LDB2: variants seen among roughly 807,000 people sequenced by gnomAD.
LDB2 encodes the protein LIM domain-binding protein 2.
Under a neutral mutation model 44.3 loss-of-function variants are expected in LDB2, and 12 were observed. The ratio of observed to expected loss-of-function variants is 0.27; its 90% CI spans 0.17 to 0.44. The LOEUF is 0.44. Ranked by LOEUF, LDB2 falls within the 20% of genes least tolerant of loss-of-function variation. The probability of loss-of-function intolerance (pLI) is 1.00; values close to 1 mark genes in which losing one functional copy is unlikely to be tolerated. For synonymous variants in LDB2, 164 were observed against 174.8 expected (o/e 0.94, Z 0.49); for missense variants, 344 against 473.5 (o/e 0.73, Z 2.54).
intron 2 of LDB2, among the ~76,000 whole-genome samples, chr4:16,678,413 C>T (rs1348404042): frequency 1.3e-5 from 2 of 152,100 alleles, no homozygotes; most frequent in African/African-American, 2.4e-5. Context: ...AGTTGTTCAT[C>T]AAGTGTCTGA....
chr4:16,665,629 C>A (rs1403769864), intron 2 of LDB2, among the ~76,000 whole-genome samples: 1 of 152,094 alleles, frequency 6.6e-6, no homozygotes, highest in African/African-American at 2.4e-5. Context: ...CTGAATCCTA[C>A]CTGAGCATGA....
intron 1 of LDB2, among the ~76,000 whole-genome samples, chr4:16,871,624 T>C (rs1264897804): frequency 6.7e-6 from 1 of 148,590 alleles, no homozygotes; most frequent in African/African-American, 2.5e-5. Context: ...ACTCTTTCTT[T>C]TTTTTTTTTT....
chr4:16,677,342 A>T (rs917305969), intron 2 of LDB2, among the ~76,000 whole-genome samples: 1 of 152,240 alleles, frequency 6.6e-6, no homozygotes, highest in Non-Finnish European at 1.5e-5. Context: ...AAAATACGTT[A>T]ACAAATAAAA....
intron 1 of LDB2, among the ~76,000 whole-genome samples, chr4:16,892,223 G>T (rs913806104): frequency 1.3e-5 from 2 of 152,128 alleles, no homozygotes; most frequent in African/African-American, 2.4e-5. Flanking sequence ...AGTGTGGTTT[G>T]TATGTCTCCC....
chr4:16,624,747 G>T (rs1729832139), intron 2 of LDB2, among the ~76,000 whole-genome samples: 1 of 152,108 alleles, frequency 6.6e-6, no homozygotes, highest in Non-Finnish European at 1.5e-5. Context: ...CACCTATCCA[G>T]CATGGTCTCT....
intron 1 of LDB2, among the ~76,000 whole-genome samples, chr4:16,806,740 A>G (rs769977563): frequency 1.8e-4 from 28 of 152,308 alleles, no homozygotes; most frequent in Middle Eastern, 3.4e-3. Flanking sequence ...TTGAGTGGAA[A>G]TGTTGCATGC....
At chr4:16,743,980 G>A (rs1763861382) in intron 2 of LDB2, among the ~76,000 whole-genome samples, 1 of 152,114 alleles carries the variant, frequency 6.6e-6, no homozygotes, top group Non-Finnish European at 1.5e-5. Flanking sequence ...TAAAATCAAG[G>A]CAGTTAATGA....
At chr4:16,720,163 C>T (rs984279897) in intron 2 of LDB2, among the ~76,000 whole-genome samples, 1 of 151,788 alleles carries the variant, frequency 6.6e-6, no homozygotes. Context: ...TCAATCAAAC[C>T]CTAATCCAGG....
At chr4:16,671,187 G>A (rs964602835) in intron 2 of LDB2, among the ~76,000 whole-genome samples, 9 of 152,070 alleles carry the variant, frequency 5.9e-5, no homozygotes, top group Non-Finnish European at 1.3e-4. Context: ...TTGGAAGTGG[G>A]GGGATATTAA....
At chr4:16,589,352 A>G (rs1718100288) in intron 3 of LDB2, among the ~76,000 whole-genome samples, 1 of 152,202 alleles carries the variant, frequency 6.6e-6, no homozygotes, top group South Asian at 2.1e-4. Context: ...CAAGGCAGTT[A>G]TTATCAGTTA....
intron 1 of LDB2, among the ~76,000 whole-genome samples, chr4:16,873,193 C>T (rs993218503): frequency 6.6e-6 from 1 of 152,130 alleles, no homozygotes; most frequent in Non-Finnish European, 1.5e-5. Context: ...TGATAAGCTC[C>T]TCATATTTGG....
chr4:16,642,373 C>T (rs558012980), intron 2 of LDB2, among the ~76,000 whole-genome samples: 1 of 151,936 alleles, frequency 6.6e-6, no homozygotes, highest in South Asian at 2.1e-4. Context: ...GCACAAAAAC[C>T]CACTCCTAAT....
chr4:16,522,607 A>G (rs556814183), intron 5 of LDB2, among the ~76,000 whole-genome samples: 2 of 152,322 alleles, frequency 1.3e-5, no homozygotes, highest in East Asian at 3.9e-4. Context: ...CCAATCCCCT[A>G]TGGATGCTGA....
intron 5 of LDB2, among the ~76,000 whole-genome samples, chr4:16,513,833 C>G (rs913210088): frequency 6.6e-6 from 1 of 152,180 alleles, no homozygotes; most frequent in Non-Finnish European, 1.5e-5. Context: ...TAGAATGCCT[C>G]TTCCCCAAGG....
At chr4:16,723,988 G>A (rs965619189) in intron 2 of LDB2, among the ~76,000 whole-genome samples, 16 of 152,054 alleles carry the variant, frequency 1.1e-4, no homozygotes, top group African/African-American at 3.9e-4. Context: ...CATAAAGTTA[G>A]AATCTTTCAT....
At chr4:16,681,857 G>C (rs145231794) in intron 2 of LDB2, among the ~76,000 whole-genome samples, 175 of 152,036 alleles carry the variant, frequency 1.2e-3, no homozygotes, top group African/African-American at 3.1e-3. Flanking sequence ...AGGCGTGAGC[G>C]ACTGTGCCCG....
At chr4:16,865,768 A>C (rs1463321397) in intron 1 of LDB2, among the ~76,000 whole-genome samples, 2 of 152,206 alleles carry the variant, frequency 1.3e-5, no homozygotes, top group African/African-American at 4.8e-5. Context: ...AGGGGCATTC[A>C]TCTGAGAGAG....
At chr4:16,718,657 T>A (rs921536048) in intron 2 of LDB2, among the ~76,000 whole-genome samples, 1 of 151,964 alleles carries the variant, frequency 6.6e-6, no homozygotes, top group African/African-American at 2.4e-5. Flanking sequence ...AATTTGAGAA[T>A]CACGGAGTAC....
At chr4:16,757,795 C>T (rs1457547706) in intron 2 of LDB2, among the ~76,000 whole-genome samples, 1 of 152,148 alleles carries the variant, frequency 6.6e-6, no homozygotes, top group Non-Finnish European at 1.5e-5. Flanking sequence ...TGGGGGCACC[C>T]ACACACCGGA....
Sources: allele counts gnomAD v4.1 joint callset (sites outside exome capture counted in the v4.1 genomes callset), GRCh38; gene constraint gnomAD v4.1.1; transcripts MANE v1.5; gene names NCBI Gene and HGNC (gene_info 2026-07-23, HGNC 2026-07-21).